The following SUCLA2 variants were observed in gnomAD, a reference collection of about 807,000 sequenced individuals.
SUCLA2 encodes succinate-CoA ligase ADP-forming subunit beta.
A neutral mutation model predicts 54.8 loss-of-function variants in SUCLA2; 30 were observed. That is an observed-to-expected ratio of 0.55 (90% CI 0.41 to 0.74). The LOEUF is 0.74. SUCLA2 is among the 30% of genes least tolerant of loss of function. The probability of loss-of-function intolerance (pLI) is 0.00; values close to 1 mark genes in which losing one functional copy is unlikely to be tolerated. For missense variants in SUCLA2, 476 were observed against 562.9 expected (o/e 0.85, Z 1.56); for synonymous variants, 172 against 188.9 (o/e 0.91, Z 0.74).
rs376149323 is a variant in SUCLA2, at chr13:48,001,180, C to G, written c.90G>C (p.Gln30His). 31 of 1,608,880 alleles carry G rather than the reference C, an allele frequency of 1.9e-5. No homozygotes were observed. In the East Asian group the frequency reaches 4.7e-4, roughly 24 times the overall value. Reference sequence around the variant, plus strand: ...ACGACAGCGGACTGGAAGGCATTACCTGAGCAGCAGCCCGCTGGGCCGTCC... The same window carrying G: ...ACGACAGCGGACTGGAAGGCATTACGTGAGCAGCAGCCCGCTGGGCCGTCC... ...RPRTAQRAAA[Q>H]VLGSSGLFNN... The change falls in exon 1 of 11, where the codon CAG (glutamine) becomes CAC (histidine). Residue 30 changes from glutamine to histidine, a missense_variant and splice_region_variant. Physicochemically the swap from Gln to His is conservative, Grantham distance 24. Coordinates refer to ENST00000646932, the MANE Select transcript of SUCLA2 (RefSeq NM_003850.3).
At chr13:47,964,186 T>C (rs555221011) in intron 6 of SUCLA2, among the ~76,000 whole-genome samples, 1 of 152,138 alleles carries the variant, frequency 6.6e-6, no homozygotes, top group Admixed American at 6.5e-5. Flanking sequence ...GCATTATGTA[T>C]AGTAAAAAGG....
chr13:47,980,057 G>A (rs1950048499), intron 4 of SUCLA2, among the ~76,000 whole-genome samples: 1 of 152,192 alleles, frequency 6.6e-6, no homozygotes, highest in South Asian at 2.1e-4. Context: ...CTTAAGGATA[G>A]CCTAATCGAG....
intron 4 of SUCLA2, among the ~76,000 whole-genome samples, chr13:47,981,471 C>T (rs1419619538): frequency 6.6e-6 from 1 of 152,074 alleles, no homozygotes; most frequent in Non-Finnish European, 1.5e-5. Context: ...TGAATATTGG[C>T]GAGGATGCAG....
chr13:47,973,225 C>G, intron 5 of SUCLA2, 39 bp downstream of exon 5: 1 of 1,575,372 alleles, frequency 6.3e-7, no homozygotes, highest in Admixed American at 1.7e-5. Flanking sequence ...TCATAATTCT[C>G]TAATCATAAG....
chr13:47,994,866 A>G, intron 2 of SUCLA2: 1 of 985,270 alleles, frequency 1.0e-6, no homozygotes, highest in Non-Finnish European at 1.2e-6. Flanking sequence ...GTTACAGTTT[A>G]TCCTGCACAT....
chr13:47,979,487 G>C (rs1354099064), intron 4 of SUCLA2, among the ~76,000 whole-genome samples: 1 of 152,240 alleles, frequency 6.6e-6, no homozygotes, highest in Non-Finnish European at 1.5e-5. Context: ...GGGCCTGTCG[G>C]GGGGTGGGGG....
chr13:48,000,220 A>C (rs1303005774), intron 1 of SUCLA2, among the ~76,000 whole-genome samples: 1 of 152,090 alleles, frequency 6.6e-6, no homozygotes, highest in East Asian at 1.9e-4. Flanking sequence ...TCAGAAAAAA[A>C]CCCAAAACTC....
intron 4 of SUCLA2, among the ~76,000 whole-genome samples, chr13:47,978,147 C>G (rs1308288163): frequency 2.0e-5 from 3 of 152,000 alleles, no homozygotes; most frequent in Non-Finnish European, 4.4e-5. Context: ...ACTTTCTTCA[C>G]AGAATTAGAA....
rs151161706 is a variant in SUCLA2 at position 47,957,551 on chromosome 13, T to G, written c.803-2994A>C. 3.8e-3 allele frequency among the ~76,000 whole-genome samples: 585 copies of G among 152,302 alleles called. 2 individuals are homozygous for G. The highest frequency in any genetic ancestry group is 0.013 in the African/African-American group (548 of 41,566). The stretch of plus-strand genomic sequence containing the variant: ...CCTGATTGCCTCATTAGAACTGCCT[T>G]TGAAACTTGACATTGCATCGATATA... On this transcript the variant is annotated intron_variant, in intron 6 of 10. Coordinates refer to ENST00000646932, the MANE Select transcript of SUCLA2 (RefSeq NM_003850.3).
chr13:47,972,082 C>T, intron 5 of SUCLA2: 1 of 378,328 alleles, frequency 2.6e-6, no homozygotes. Flanking sequence ...AAAACCCCAT[C>T]TCTACTAAAA....
chr13:47,954,300 A>T lies in SUCLA2; in HGVS notation c.965-18T>A. The T allele has an allele frequency of 1.2e-6, 2 of 1,613,840 alleles. No homozygotes were observed. The highest frequency in any genetic ancestry group is 1.7e-6 in the Non-Finnish European group (2 of 1,179,790). ...ACCATTTACTATATAGGGGAAAATG[A>T]TTTGTATAAGCAACAAACACAGAGA... is the stretch of plus-strand genomic sequence containing the variant. On this transcript the variant is annotated intron_variant, in intron 7 of 10. Coordinates refer to ENST00000646932, the MANE Select transcript of SUCLA2 (RefSeq NM_003850.3).
rs566357480 is a variant in SUCLA2, at chr13:47,964,585, T to C, written c.802+4010A>G. 9.3e-4 allele frequency among the ~76,000 whole-genome samples: 141 copies of C among 152,200 alleles called. No individual in the cohort carries two copies. In the Middle Eastern group the frequency reaches 0.01, roughly 11 times the overall value. ...TAAGATGTCATCATTGGGCCAGGCG[T>C]GGTGGCTCAAGCCTGTAATCCCAGC... On this transcript the variant is annotated intron_variant, in intron 6 of 10. Coordinates refer to ENST00000646932, the MANE Select transcript of SUCLA2 (RefSeq NM_003850.3).
intron 9 of SUCLA2, 127 bp from the exon 10 acceptor site, chr13:47,949,155 C>T: frequency 1.0e-6 from 1 of 952,794 alleles, no homozygotes; most frequent in Non-Finnish European, 1.6e-6. Flanking sequence ...AGTATAAACA[C>T]TTCTAAACCA....
intron 8 of SUCLA2, among the ~76,000 whole-genome samples, chr13:47,950,340 CTTCTGT>C (rs1949766335): frequency 6.6e-6 from 1 of 152,196 alleles, no homozygotes; most frequent in African/African-American, 2.4e-5. Flanking sequence ...CAAGCCATAG[CTTCTGT>C]TTCTAAGTCC....
rs113847535 is a variant in SUCLA2, at chr13:47,985,659, C to G, written c.534+2882G>C. On this transcript the variant is annotated intron_variant, in intron 4 of 10. Transcript: ENST00000646932. The stretch of plus-strand genomic sequence containing the variant: ...TCATCGGTGGATGTTTAGGTTGATT[C>G]CATGTCTTTGCTATTGTGAACAGTG... Among the ~76,000 whole-genome samples the G allele has an allele frequency of 5.9e-3, 900 of 152,218 alleles. 12 individuals are homozygous for G. The highest frequency in any genetic ancestry group is 0.02 in the African/African-American group (816 of 41,528).
chr13:47,973,186 T>G (rs1268011654), intron 5 of SUCLA2, 78 bp downstream of exon 5: 16 of 1,261,170 alleles, frequency 1.3e-5, no homozygotes, highest in Non-Finnish European at 1.6e-5. Flanking sequence ...TTTTGACAAT[T>G]ACTTCAGTTG....
At chr13:47,978,868 A>G (rs1950038696) in intron 4 of SUCLA2, among the ~76,000 whole-genome samples, 1 of 152,274 alleles carries the variant, frequency 6.6e-6, no homozygotes, top group South Asian at 2.1e-4. Context: ...ATGAACAGAT[A>G]CTTTTCAAAA....
chr13:47,956,220 G>C (rs946711806), intron 6 of SUCLA2, among the ~76,000 whole-genome samples: 5 of 152,258 alleles, frequency 3.3e-5, no homozygotes, highest in African/African-American at 1.2e-4. Flanking sequence ...AATCTAAGCA[G>C]AGAATAAAAC....
At chr13:47,997,501 G>A (rs1490874137) in intron 1 of SUCLA2, among the ~76,000 whole-genome samples, 1 of 152,142 alleles carries the variant, frequency 6.6e-6, no homozygotes, top group Non-Finnish European at 1.5e-5. Context: ...AGTGGATGTT[G>A]CAGTATGCTG....
Sources: allele counts gnomAD v4.1 joint callset (sites outside exome capture counted in the v4.1 genomes callset), GRCh38; gene constraint gnomAD v4.1.1; transcripts MANE v1.5; gene names NCBI Gene and HGNC (gene_info 2026-07-23, HGNC 2026-07-21).